The following PLD5 variants were observed in gnomAD, a reference collection of about 807,000 sequenced individuals.
PLD5 encodes the protein phospholipase D family member 5, also known as inactive phospholipase D5.
A neutral mutation model predicts 61.1 loss-of-function variants in PLD5; 36 were observed. The observed-to-expected ratio is 0.59, with a 90% confidence interval of 0.45 to 0.78. The LOEUF is 0.78. PLD5 is among the 30% of genes least tolerant of loss of function. PLD5 has a pLI of 0.00. For synonymous variants in PLD5, 243 were observed against 242.8 expected, an observed-to-expected ratio of 1.00 and a Z score of -0.01; for missense variants, 515 against 644.4, an observed-to-expected ratio of 0.80 and a Z score of 2.17.
intron 4 of PLD5, among the ~76,000 whole-genome samples, chr1:242,230,994 A>G (rs1441072167): frequency 4.6e-5 from 7 of 152,006 alleles, no homozygotes; most frequent in Non-Finnish European, 8.8e-5. Context: ...GTTTGCTTTC[A>G]GAAACAATTA....
intron 2 of PLD5, among the ~76,000 whole-genome samples, chr1:242,320,993 A>G (rs1658360618): frequency 6.6e-6 from 1 of 152,234 alleles, no homozygotes; most frequent in Non-Finnish European, 1.5e-5. Flanking sequence ...ATTCCCTCTC[A>G]TCGGAGATCT....
At chr1:242,295,674 G>C (rs1486512223) in intron 2 of PLD5, among the ~76,000 whole-genome samples, 2 of 152,170 alleles carry the variant, frequency 1.3e-5, no homozygotes, top group African/African-American at 4.8e-5. Flanking sequence ...GAATTGCTGG[G>C]TCAAATAGTA....
At chr1:242,408,786 C>T (rs967991929) in intron 1 of PLD5, among the ~76,000 whole-genome samples, 6 of 151,932 alleles carry the variant, frequency 3.9e-5, no homozygotes, top group South Asian at 2.1e-4. Context: ...TTAGAAAAAG[C>T]GGCCAGGCAC....
chr1:242,523,372 C>A (rs745375174), intron 1 of PLD5, among the ~76,000 whole-genome samples: 2 of 151,648 alleles, frequency 1.3e-5, no homozygotes, highest in Non-Finnish European at 2.9e-5. Context: ...AAATAGCAAG[C>A]CTTAGGAGCT....
chr1:242,270,459 C>G (rs1264003055), intron 3 of PLD5, among the ~76,000 whole-genome samples: 1 of 152,174 alleles, frequency 6.6e-6, no homozygotes, highest in Non-Finnish European at 1.5e-5. Flanking sequence ...GAACATACAT[C>G]TCTCTTCCTG....
intron 2 of PLD5, among the ~76,000 whole-genome samples, chr1:242,315,961 G>C (rs970692849): frequency 3.3e-5 from 5 of 152,200 alleles, no homozygotes; most frequent in Non-Finnish European, 2.9e-5. Context: ...CCAGTGGCTT[G>C]GGTCCTGAAG....
chr1:242,306,728 A>G (rs529950634), intron 2 of PLD5, among the ~76,000 whole-genome samples: 7 of 151,854 alleles, frequency 4.6e-5, no homozygotes, highest in African/African-American at 1.5e-4. Flanking sequence ...AAAGAGAATA[A>G]GAATTTATTA....
intron 5 of PLD5, among the ~76,000 whole-genome samples, chr1:242,197,649 T>TC (rs1372126498): frequency 6.6e-6 from 1 of 151,572 alleles, no homozygotes; most frequent in African/African-American, 2.4e-5. Flanking sequence ...TTTTTTTTTT[T>TC]TCTGAGACGG....
At chr1:242,510,661 C>T (rs892621109) in intron 1 of PLD5, among the ~76,000 whole-genome samples, 1 of 151,932 alleles carries the variant, frequency 6.6e-6, no homozygotes, top group South Asian at 2.1e-4. Context: ...CTGGATAACA[C>T]GGTGAAACCC....
At chr1:242,269,271 G>A (rs1377020375) in intron 3 of PLD5, among the ~76,000 whole-genome samples, 1 of 152,134 alleles carries the variant, frequency 6.6e-6, no homozygotes, top group Non-Finnish European at 1.5e-5. Flanking sequence ...TTATCTCAAA[G>A]ACTATCAGTG....
At chr1:242,110,808 T>TCACACACACA (rs111464015) in intron 7 of PLD5, among the ~76,000 whole-genome samples, 65 of 150,156 alleles carry the variant, frequency 4.3e-4, no homozygotes, top group South Asian at 8.5e-4. Context: ...AAACTCTGTC[T>TCACACACACA]CACACACACA....
chr1:242,309,251 C>T (rs1055417755), intron 2 of PLD5, among the ~76,000 whole-genome samples: 3 of 152,114 alleles, frequency 2.0e-5, no homozygotes, highest in Non-Finnish European at 2.9e-5. Flanking sequence ...TTCCTCATCC[C>T]GCTTTTCTGC....
At chr1:242,197,652 TGAG>T (rs1668722006) in intron 5 of PLD5, among the ~76,000 whole-genome samples, 1 of 148,930 alleles carries the variant, frequency 6.7e-6, no homozygotes, top group Non-Finnish European at 1.5e-5. Flanking sequence ...TTTTTTTTTC[TGAG>T]ACGGAGCCTT....
At chr1:242,194,238 C>T (rs1056207843) in intron 5 of PLD5, among the ~76,000 whole-genome samples, 1 of 152,138 alleles carries the variant, frequency 6.6e-6, no homozygotes, top group African/African-American at 2.4e-5. Context: ...CAGATACTCA[C>T]AAGTTTTTAG....
At chr1:242,470,287 A>G (rs913710109) in intron 1 of PLD5, among the ~76,000 whole-genome samples, 1 of 151,738 alleles carries the variant, frequency 6.6e-6, no homozygotes, top group East Asian at 1.9e-4. Flanking sequence ...GCTTGCAGTG[A>G]GCCGAGATCG....
intron 1 of PLD5, among the ~76,000 whole-genome samples, chr1:242,364,051 T>C (rs1259368705): frequency 6.6e-6 from 1 of 151,958 alleles, no homozygotes; most frequent in African/African-American, 2.4e-5. Flanking sequence ...ACAGATGTAA[T>C]AGAGTAATTT....
intron 5 of PLD5, among the ~76,000 whole-genome samples, chr1:242,203,169 C>T (rs930627758): frequency 6.6e-6 from 1 of 152,122 alleles, no homozygotes; most frequent in Non-Finnish European, 1.5e-5. Flanking sequence ...ACCTATGACC[C>T]GCTTCCAATT....
intron 5 of PLD5, among the ~76,000 whole-genome samples, chr1:242,140,260 C>T (rs1223186602): frequency 6.6e-6 from 1 of 152,212 alleles, no homozygotes; most frequent in Non-Finnish European, 1.5e-5. Context: ...ATCTAACCTC[C>T]ACAGTGGTTA....
chr1:242,302,293 T>C (rs1172871795), intron 2 of PLD5, among the ~76,000 whole-genome samples: 1 of 152,224 alleles, frequency 6.6e-6, no homozygotes, highest in East Asian at 1.9e-4. Flanking sequence ...ATGACTGCAT[T>C]TGCGTTCCCA....
Sources: gnomAD v4.1 joint callset for allele counts (sites outside exome capture counted in the v4.1 genomes callset) on GRCh38, gnomAD v4.1.1 for gene constraint, MANE v1.5 for transcripts, NCBI Gene and HGNC (gene_info 2026-07-23, HGNC 2026-07-21) for gene names.